Variants in FOXP1 observed in about 807,000 individuals in gnomAD.
FOXP1 encodes the protein forkhead box protein P1.
Under a neutral mutation model 98.2 loss-of-function variants are expected in FOXP1, and 15 were observed. The observed-to-expected ratio is 0.15, with a 90% CI of 0.10 to 0.24. FOXP1 has a LOEUF of 0.24. FOXP1 is among the 10% of genes least tolerant of loss of function. The probability of loss-of-function intolerance (pLI) is 1.00; values close to 1 mark genes in which losing one functional copy is unlikely to be tolerated. For missense variants in FOXP1, 633 were observed against 848.5 expected, an observed-to-expected ratio of 0.75 and a Z score of 3.15; for synonymous variants, 371 against 314.5, an observed-to-expected ratio of 1.18 and a Z score of -1.90.
intron 11 of FOXP1, among the ~76,000 whole-genome samples, chr3:71,025,153 A>C (rs746835634): frequency 1.3e-5 from 2 of 152,228 alleles, no homozygotes; most frequent in Non-Finnish European, 2.9e-5. Flanking sequence ...ATATGCAGAC[A>C]AGCCAAAAAT....
At chr3:71,381,183 C>CTCTG (rs2080137970) in intron 3 of FOXP1, among the ~76,000 whole-genome samples, 1 of 142,612 alleles carries the variant, frequency 7.0e-6, no homozygotes, top group Non-Finnish European at 1.5e-5. Context: ...TGGAGTCTTG[C>CTCTG]TCTGTCGCCC....
intron 7 of FOXP1, among the ~76,000 whole-genome samples, chr3:71,096,346 A>T (rs1428165763): frequency 6.6e-6 from 1 of 152,194 alleles, no homozygotes; most frequent in Admixed American, 6.5e-5. Flanking sequence ...CCATCCTAAG[A>T]TTCTCATTCA....
intron 5 of FOXP1, 40 bp from the exon 6 acceptor site, chr3:71,198,432 G>GGGGGGGCC: frequency 2.0e-6 from 1 of 491,034 alleles, no homozygotes; most frequent in East Asian, 5.7e-5. Flanking sequence ...GGGAGGGGGG[G>GGGGGGGCC]AGAAAAAAAA....
At chr3:71,060,064 T>G (rs145649495) in intron 7 of FOXP1, among the ~76,000 whole-genome samples, 1 of 152,190 alleles carries the variant, frequency 6.6e-6, no homozygotes, top group African/African-American at 2.4e-5. Flanking sequence ...TTTGTAGCTC[T>G]GCTTTCTCAT....
rs188467221 is a variant in FOXP1 at position 71,402,859 on chromosome 3, T to G, written c.-167-43615A>C. Among the ~76,000 whole-genome samples the G allele has an allele frequency of 3.3e-5, 5 of 152,352 alleles. No individual in the cohort carries two copies. In the East Asian group the frequency reaches 9.6e-4, roughly 29 times the overall value. On this transcript the variant is annotated intron_variant, in intron 3 of 20. Transcript: ENST00000649528. ...AGGACAAGCTGCTAAGAGGGGTTCC[T>G]TCAGGGTGAACAGGATGCAGATGAC...
chr3:71,353,360 G>T (rs1429877412), intron 4 of FOXP1, among the ~76,000 whole-genome samples: 1 of 152,068 alleles, frequency 6.6e-6, no homozygotes, highest in Non-Finnish European at 1.5e-5. Context: ...CCCCTTTCAC[G>T]AATTATTATT....
chr3:71,115,755 T>TG (rs1409074383), intron 6 of FOXP1, among the ~76,000 whole-genome samples: 1 of 108,640 alleles, frequency 9.2e-6, no homozygotes, highest in East Asian at 2.3e-4. Context: ...TTTTTTTTTT[T>TG]GGACAAAGTC....
intron 5 of FOXP1, among the ~76,000 whole-genome samples, chr3:71,242,666 T>C (rs903745125): frequency 1.9e-4 from 29 of 152,034 alleles, no homozygotes; most frequent in African/African-American, 6.3e-4. Context: ...ATTGTCCCAT[T>C]TCTTAACAAC....
At chr3:71,276,060 C>T (rs964719429) in intron 5 of FOXP1, 1 of 152,076 alleles carries the variant, frequency 6.6e-6, no homozygotes, top group Middle Eastern at 3.2e-3. Context: ...TCAGCAAACA[C>T]CCAAAAAGCC....
At chr3:71,296,761 CA>C (rs1315928702) in intron 5 of FOXP1, among the ~76,000 whole-genome samples, 1 of 152,166 alleles carries the variant, frequency 6.6e-6, no homozygotes, top group Admixed American at 6.5e-5. Flanking sequence ...GTGTTTGGAT[CA>C]TGGGGGCTGA....
chr3:71,490,445 C>CTGAG (rs2090980403), intron 3 of FOXP1, among the ~76,000 whole-genome samples: 2 of 151,892 alleles, frequency 1.3e-5, no homozygotes, highest in African/African-American at 2.4e-5. Flanking sequence ...TTGCAGTGAG[C>CTGAG]TGAGATTGTG....
chr3:71,056,759 T>C (rs562679944), intron 7 of FOXP1, among the ~76,000 whole-genome samples: 21 of 152,172 alleles, frequency 1.4e-4, no homozygotes, highest in African/African-American at 4.3e-4. Context: ...AAAGAGGTTA[T>C]GGAAAAGCTT....
chr3:71,426,617 C>T (rs375860722), intron 3 of FOXP1, among the ~76,000 whole-genome samples: 21 of 152,170 alleles, frequency 1.4e-4, no homozygotes, highest in East Asian at 1.2e-3. Flanking sequence ...CTTCCACACA[C>T]GCTCATCCCA....
At chr3:71,012,674 CA>C (rs1270325949) in intron 12 of FOXP1, among the ~76,000 whole-genome samples, 3 of 152,070 alleles carry the variant, frequency 2.0e-5, no homozygotes, top group Non-Finnish European at 4.4e-5. Flanking sequence ...GGCTTTATTA[CA>C]ATATTTGTAT....
chr3:71,489,303 C>T (rs2090894295), intron 3 of FOXP1, among the ~76,000 whole-genome samples: 1 of 152,108 alleles, frequency 6.6e-6, no homozygotes, highest in African/African-American at 2.4e-5. Flanking sequence ...GAAGGCTGGG[C>T]AAATAAGGGA....
rs776811308 is a variant in FOXP1 at position 71,167,873 on chromosome 3, C to T, written c.180+30329G>A. 4.6e-5 allele frequency among the ~76,000 whole-genome samples: 7 copies of T among 152,248 alleles called. 1 individual carries two copies. In the South Asian group the frequency reaches 1.2e-3, roughly 27 times the overall value. On this transcript the variant is annotated intron_variant, in intron 6 of 20. Transcript: ENST00000649528. ...TATTTTTGTATTACACTAAAAATTACTTACTTGTAGAGCTAACTTCTACAC... is the reference window on the plus strand; with the variant it reads ...TATTTTTGTATTACACTAAAAATTATTTACTTGTAGAGCTAACTTCTACAC...
At chr3:71,057,833 C>T (rs1229998535) in intron 7 of FOXP1, among the ~76,000 whole-genome samples, 1 of 152,114 alleles carries the variant, frequency 6.6e-6, no homozygotes, top group African/African-American at 2.4e-5. Context: ...TACAGCTGTG[C>T]TTGGGCCATC....
chr3:71,553,980 G>A (rs1375268147), intron 2 of FOXP1, among the ~76,000 whole-genome samples: 1 of 152,148 alleles, frequency 6.6e-6, no homozygotes, highest in Non-Finnish European at 1.5e-5. Flanking sequence ...TCACTTCCAA[G>A]TATGGTACAT....
At chr3:71,346,370 T>G (rs1055549519) in intron 4 of FOXP1, among the ~76,000 whole-genome samples, 3 of 152,188 alleles carry the variant, frequency 2.0e-5, no homozygotes, top group Non-Finnish European at 4.4e-5. Flanking sequence ...CGTGGCTGTT[T>G]TTGTTGGGTG....
Sources: gnomAD v4.1 joint callset for allele counts (sites outside exome capture counted in the v4.1 genomes callset) on GRCh38, gnomAD v4.1.1 for gene constraint, MANE v1.5 for transcripts, NCBI Gene and HGNC (gene_info 2026-07-23, HGNC 2026-07-21) for gene names.